Variants in PPP4R1 observed in about 807,000 individuals in gnomAD.
PPP4R1 encodes protein phosphatase 4 regulatory subunit 1, also known as serine/threonine-protein phosphatase 4 regulatory subunit 1.
PPP4R1 carries 42 observed loss-of-function variants against 111.2 expected under a neutral mutation model. That is an observed-to-expected ratio of 0.38 (90% CI 0.29 to 0.49). PPP4R1 has a LOEUF of 0.49. PPP4R1 is among the 20% of genes least tolerant of loss of function. The probability of loss-of-function intolerance (pLI) is 0.97; values close to 1 mark genes in which losing one functional copy is unlikely to be tolerated. For synonymous variants in PPP4R1, 409 were observed against 405.5 expected, an observed-to-expected ratio of 1.01 and a Z score of -0.10; for missense variants, 1,012 against 1,161.6, an observed-to-expected ratio of 0.87 and a Z score of 1.87.
intron 9 of PPP4R1, among the ~76,000 whole-genome samples, chr18:9,580,408 G>A (rs1257485924): frequency 1.3e-5 from 2 of 150,090 alleles, no homozygotes; most frequent in South Asian, 2.1e-4. Flanking sequence ...GGAGTGCAAT[G>A]GCGCGATCTC....
intron 10 of PPP4R1, 61 bp from the exon 11 acceptor site, chr18:9,570,744 C>A: frequency 6.8e-7 from 1 of 1,465,644 alleles, no homozygotes; most frequent in Non-Finnish European, 9.0e-7. Flanking sequence ...TTTAAAAAAA[C>A]TGATGAAAGA....
intron 3 of PPP4R1, 127 bp from the exon 4 acceptor site, chr18:9,594,001 A>T: frequency 1.4e-6 from 1 of 695,898 alleles, no homozygotes; most frequent in Non-Finnish European, 2.5e-6. Flanking sequence ...GATCACGGCT[A>T]ACTGCAGCAT....
rs535247129 is a variant in PPP4R1 at position 9,572,142 on chromosome 18, G to A, written c.1047-1459C>T. 2.0e-5 allele frequency among the ~76,000 whole-genome samples: 3 copies of A among 152,290 alleles called. No homozygotes were observed. The South Asian group carries it at 6.2e-4, about 32-fold the overall frequency. On this transcript the variant is annotated intron_variant, in intron 10 of 19. Coordinates refer to ENST00000400556, the MANE Select transcript of PPP4R1 (RefSeq NM_001042388.3). ...ACAGGTTCAGGTTGAAAGAGGTTGA[G>A]TTAGCTATCCACGTTGGGTTCTAGG... is the stretch of plus-strand genomic sequence containing the variant.
intron 2 of PPP4R1, among the ~76,000 whole-genome samples, chr18:9,609,532 G>C (rs972944889): frequency 6.6e-6 from 1 of 152,098 alleles, no homozygotes; most frequent in South Asian, 2.1e-4. Flanking sequence ...CCTTAAACCC[G>C]AAAAACAGCA....
chr18:9,552,950 C>A (rs1174619799), intron 16 of PPP4R1, among the ~76,000 whole-genome samples: 1 of 152,146 alleles, frequency 6.6e-6, no homozygotes, highest in African/African-American at 2.4e-5. Context: ...CCGCAACAGG[C>A]AAATCCATAG....
chr18:9,575,913 A>T (rs2066928774), intron 10 of PPP4R1, among the ~76,000 whole-genome samples: 1 of 152,206 alleles, frequency 6.6e-6, no homozygotes, highest in Non-Finnish European at 1.5e-5. Flanking sequence ...ATAAACAGGT[A>T]ATTTTTTAAG....
At chr18:9,601,300 A>T (rs1362806027) in intron 2 of PPP4R1, among the ~76,000 whole-genome samples, 3 of 151,570 alleles carry the variant, frequency 2.0e-5, no homozygotes, top group Non-Finnish European at 4.4e-5. Context: ...AGGCAGGTAG[A>T]TCACTTAGAG....
At chr18:9,580,736 G>A (rs568311301) in intron 9 of PPP4R1, among the ~76,000 whole-genome samples, 20 of 152,270 alleles carry the variant, frequency 1.3e-4, no homozygotes, top group African/African-American at 4.6e-4. Flanking sequence ...CTGCTCTCCC[G>A]CAGCTCCCGG....
At chr18:9,550,475 T>C in intron 16 of PPP4R1, 77 bp from the exon 17 acceptor site, 6 of 1,454,314 alleles carry the variant, frequency 4.1e-6, no homozygotes, top group Non-Finnish European at 5.6e-6. Flanking sequence ...ATTTAAATCA[T>C]CTGTAATACT....
intron 11 of PPP4R1, among the ~76,000 whole-genome samples, chr18:9,566,206 C>T (rs941954079): frequency 6.6e-6 from 1 of 151,918 alleles, no homozygotes; most frequent in Admixed American, 6.6e-5. Context: ...CCACCTCGCC[C>T]GGCCCAGATT....
Position 9,563,496 on chromosome 18 carries a change from T to TCATGTGCATCCA in PPP4R1, c.1616_1627dup (p.His542_Glu543insValAspAlaHis), listed in dbSNP as rs746073663. On this transcript the variant is annotated inframe_insertion, in exon 12 of 20. Transcript: ENST00000400556. The stretch of plus-strand genomic sequence containing the variant: ...TCTCTTTTCTATACTGATGGTCTCT[T>TCATGTGCATCCA]CATGTGCATCCAGGCTGGAAGCACG... 2 of 1,608,230 alleles carry TCATGTGCATCCA rather than the reference T, an allele frequency of 1.2e-6. No individual in the cohort carries two copies. The highest frequency in any genetic ancestry group is 1.7e-6 in the Non-Finnish European group (2 of 1,175,214).
chr18:9,563,558 C>A lies in PPP4R1; in HGVS notation c.1574-8G>T, dbSNP rs762585144. The stretch of plus-strand genomic sequence containing the variant: ...ACAGCACTTCCACTTGTGCTACAGG[C>A]AAAATAAGGAAATGGACAAAGTGAG... On this transcript the variant is annotated splice_region_variant and splice_polypyrimidine_tract_variant and intron_variant, in intron 11 of 19. Coordinates refer to ENST00000400556, the MANE Select transcript of PPP4R1 (RefSeq NM_001042388.3). 6.4e-7 allele frequency: 1 copy of A among 1,569,624 alleles called. No individual in the cohort carries two copies. The highest frequency in any genetic ancestry group is 8.7e-7 in the Non-Finnish European group (1 of 1,153,832).
intron 2 of PPP4R1, among the ~76,000 whole-genome samples, chr18:9,596,502 T>C (rs904075392): frequency 1.1e-4 from 16 of 152,242 alleles, no homozygotes; most frequent in African/African-American, 3.4e-4. Flanking sequence ...TTTTATCCCA[T>C]ACACTGCTTC....
At chr18:9,553,969 AACTG>A (rs1410442908) in intron 15 of PPP4R1, among the ~76,000 whole-genome samples, 2 of 152,242 alleles carry the variant, frequency 1.3e-5, no homozygotes, top group African/African-American at 2.4e-5. Context: ...CCAAAGTGTG[AACTG>A]ACTACTTTGA....
chr18:9,584,749 C>T lies in PPP4R1; in HGVS notation c.665G>A (p.Cys222Tyr), dbSNP rs762228291. ...LILPRFCEMC[C>Y]DCRMFHVRKV... ...TCGAACGTGAAACATTCTGCAATCG[C>T]AGCACATCTCACAAAACCTAGGGAG... Residue 222 changes from cysteine to tyrosine, a missense_variant, in exon 7 of 20, where the codon TGC becomes TAC. Cys to Tyr is a radical substitution (Grantham distance 194, BLOSUM62 -2). Transcript: ENST00000400556. 6.2e-7 allele frequency: 1 copy of T among 1,613,784 alleles called. No homozygotes were observed. Among genetic ancestry groups the T allele is most frequent in the South Asian group, 1.1e-5 (1 of 91,030 alleles).
intron 10 of PPP4R1, among the ~76,000 whole-genome samples, chr18:9,573,511 G>A (rs919049700): frequency 3.3e-5 from 5 of 152,142 alleles, no homozygotes; most frequent in Admixed American, 3.3e-4. Flanking sequence ...ATAAGATATT[G>A]TTCAGAAAGG....
chr18:9,582,528 G>A (rs2067046350), intron 9 of PPP4R1, among the ~76,000 whole-genome samples: 1 of 152,060 alleles, frequency 6.6e-6, no homozygotes, highest in Non-Finnish European at 1.5e-5. Flanking sequence ...ACAGAATTAG[G>A]AATTTTACAA....
chr18:9,594,708 C>A (rs553540569), intron 3 of PPP4R1: 38 of 269,790 alleles, frequency 1.4e-4, no homozygotes, highest in African/African-American at 7.6e-4. Flanking sequence ...TATACAACAT[C>A]ATGTGTTGAA....
chr18:9,614,310 CG>C lies in PPP4R1; in HGVS notation c.8-41del. 8.4e-7 allele frequency: 1 copy of C among 1,185,982 alleles called. No individual in the cohort carries two copies. The highest frequency in any genetic ancestry group is 1.1e-6 in the Non-Finnish European group (1 of 948,066). The allele number at this position is 1,185,982 out of a possible 1,614,324, so 73.5% of individuals were successfully genotyped here. On this transcript the variant is annotated intron_variant, in intron 1 of 19. Transcript: ENST00000400556. The surrounding 1 kb of genome is among the most constrained non-coding windows in gnomAD (Gnocchi z 4.1). ...GAGAAGAAAGGCCCGGTCAGCGCCC[CG>C]GGGCCCGGCGCGACGCCCCCCCCCC...
Sources: allele counts gnomAD v4.1 joint callset (sites outside exome capture counted in the v4.1 genomes callset), GRCh38; gene constraint gnomAD v4.1.1; non-coding constraint Gnocchi (gnomAD v3.1); transcripts MANE v1.5; gene names NCBI Gene and HGNC (gene_info 2026-07-23, HGNC 2026-07-21).